CDH3: variants seen among roughly 807,000 people sequenced by gnomAD.
The protein encoded by CDH3 is cadherin-3.
A neutral mutation model predicts 82.0 loss-of-function variants in CDH3; 54 were observed. The ratio of observed to expected loss-of-function variants is 0.66; its 90% CI spans 0.53 to 0.83. The LOEUF (loss-of-function observed/expected upper bound fraction) is 0.83. CDH3 is among the 40% of genes least tolerant of loss of function. CDH3 has a pLI of 0.00. For synonymous variants in CDH3, 446 were observed against 437.9 expected (o/e 1.02, Z -0.23); for missense variants, 1,054 against 1,084.6 (o/e 0.97, Z 0.40).
downstream of CDH3, among the ~76,000 whole-genome samples, chr16:68,732,051 G>T (rs1597834482): frequency 2.8e-5 from 4 of 143,784 alleles, no homozygotes; most frequent in African/African-American, 2.6e-5. Flanking sequence ...AAATAAAACT[G>T]TTTTTTTTTT....
intron 2 of CDH3, among the ~76,000 whole-genome samples, chr16:68,649,379 C>G (rs1269966620): frequency 6.6e-6 from 1 of 152,156 alleles, no homozygotes; most frequent in Middle Eastern, 3.2e-3. Flanking sequence ...TAAAAACTGC[C>G]TTTTATTGTG....
chr16:68,647,341 C>A (rs934254771), intron 2 of CDH3, among the ~76,000 whole-genome samples: 1 of 148,242 alleles, frequency 6.7e-6, no homozygotes, highest in Non-Finnish European at 1.5e-5. Context: ...CCTTATCTTT[C>A]CTACTGAAGC....
chr16:68,682,386 G>C lies in CDH3; in HGVS notation c.1081G>C (p.Ala361Pro), dbSNP rs757205517. Residue 361 changes from alanine (A) to proline (P), a missense_variant, in exon 9 of 16, where the codon GCG becomes CCG. By Grantham distance (27) the Ala-to-Pro change is conservative. Transcript: ENST00000264012. ...TGATCTGGACGCCCCCAACTCACCA[G>C]CGTGGCGTGCCACCTACCTTATCAT... ...VTDLDAPNSPAWRATYLIMGG... is the reference protein window; with the variant it reads ...VTDLDAPNSPPWRATYLIMGG... The C allele has an allele frequency of 1.2e-6, 2 of 1,614,084 alleles. No individual in the cohort carries two copies. The highest frequency in any genetic ancestry group is 2.2e-5 in the South Asian group (2 of 91,086).
Position 68,700,213 on chromosome 16 carries a change from T to C in CDH3, c.*1813T>C, listed in dbSNP as rs1250210727. 2 of 152,242 alleles carry C rather than the reference T, an allele frequency of 1.3e-5. No homozygotes were observed. The highest frequency in any genetic ancestry group is 4.8e-5 in the African/African-American group (2 of 41,474). The allele number at this position is 152,242 out of a possible 1,614,324, so 9.4% of individuals were successfully genotyped here. On this transcript the variant is annotated 3_prime_UTR_variant, in exon 16 of 16. Transcript: ENST00000264012. ...GCCCTTGTTAACGTGAAGTTCAAAG[T>C]CATCTTTGCAATTAGCCAAAAGAAT...
intron 10 of CDH3, 31 bp from the exon 11 acceptor site, chr16:68,685,174 G>A: frequency 6.2e-7 from 1 of 1,612,238 alleles, no homozygotes; most frequent in Non-Finnish European, 8.5e-7. Flanking sequence ...TAAATATTCT[G>A]GATGTACTCG....
intron 1 of CDH3, among the ~76,000 whole-genome samples, chr16:68,712,988 A>G (rs930531127): frequency 2.0e-5 from 3 of 151,820 alleles, no homozygotes; most frequent in African/African-American, 4.8e-5. Context: ...GGTCAATTCC[A>G]AGGTTCTTAA....
chr16:68,684,438 T>C, intron 9 of CDH3, 145 bp from the exon 10 acceptor site: 5 of 916,334 alleles, frequency 5.5e-6, no homozygotes, highest in Non-Finnish European at 9.0e-6. Context: ...CGGGAGTGTT[T>C]ATGTTACAGA....
At chr16:68,712,725 A>G (rs1380809945) in intron 1 of CDH3, among the ~76,000 whole-genome samples, 3 of 151,616 alleles carry the variant, frequency 2.0e-5, no homozygotes, top group African/African-American at 4.9e-5. Context: ...TCTGTCACCC[A>G]GGCTGGAGTG....
downstream of CDH3, among the ~76,000 whole-genome samples, chr16:68,704,888 T>C (rs932391176): frequency 1.3e-5 from 2 of 152,132 alleles, no homozygotes; most frequent in Non-Finnish European, 2.9e-5. Context: ...AGACCCCATC[T>C]CTATTAAAAA....
At chr16:68,708,731 C>T (rs1369078135) in intron 1 of CDH3, among the ~76,000 whole-genome samples, 3 of 152,008 alleles carry the variant, frequency 2.0e-5, no homozygotes, top group African/African-American at 4.8e-5. Context: ...GAAACCTCCA[C>T]CTCCCGGGTT....
At position 68,691,610 on chromosome 16, in the gene CDH3, T is replaced by C. The variant is rs902182694; in HGVS notation, c.1796-110T>C. The C allele has an allele frequency of 3.1e-5, 26 of 841,626 alleles. No homozygotes were observed. In the African/African-American group the frequency reaches 4.0e-4, roughly 13 times the overall value. The allele number at this position is 841,626 out of a possible 1,614,324, so 52.1% of individuals were successfully genotyped here. A position where few individuals can be genotyped will look rare whatever the true frequency, so the allele number is the denominator to read the frequency against. On this transcript the variant is annotated intron_variant, in intron 12 of 15. Transcript: ENST00000264012. The stretch of plus-strand genomic sequence containing the variant: ...TTTCCAAAGTGTGCTTGTGGAGTAT[T>C]TCTCTGCATTGCCCACATGTGGAAG...
intron 2 of CDH3, among the ~76,000 whole-genome samples, chr16:68,652,985 T>C (rs1445026531): frequency 6.6e-6 from 1 of 152,176 alleles, no homozygotes; most frequent in East Asian, 1.9e-4. Flanking sequence ...TAGTGACCTG[T>C]GCACCCCTAT....
intron 1 of CDH3, among the ~76,000 whole-genome samples, chr16:68,719,244 CA>C (rs774321245): frequency 5.9e-5 from 3 of 50,498 alleles, no homozygotes; most frequent in Non-Finnish European, 9.1e-5. Context: ...GACTCCGTCT[CA>C]AAAAAAAAGA....
chr16:68,645,727 A>T lies in CDH3; in HGVS notation c.137A>T (p.Glu46Val). 6.5e-7 allele frequency: 1 copy of T among 1,544,808 alleles called. No individual in the cohort carries two copies. Among genetic ancestry groups the T allele is most frequent in the Non-Finnish European group, 8.7e-7 (1 of 1,146,226 alleles). ...TTGGAGGCGGGAGGCGCGGAGCAGG[A>T]GCCCGGCCAGGCGCTGGGGAAAGGT... is the stretch of plus-strand genomic sequence containing the variant. ...VTLEAGGAEQ[E>V]PGQALGKVFM... Residue 46 changes from glutamate (E) to valine (V), a missense_variant, in exon 2 of 16, where the codon GAG (glutamate) becomes GTG (valine). By Grantham distance (121) the Glu-to-Val change is moderately radical. Coordinates refer to ENST00000264012, the MANE Select transcript of CDH3 (RefSeq NM_001793.6).
chr16:68,691,769 T>C lies in CDH3; in HGVS notation c.1845T>C (p.Tyr615=), dbSNP rs749415054. Residue 615 remains tyrosine, a synonymous_variant, in exon 13 of 16, where the codon TAT becomes TAC. Transcript: ENST00000264012. ...SLKKFLKQDT[Y]DVHLSLSDHG... is the part of the protein sequence containing the mutation. ...AGAAGTTCCTGAAGCAGGATACATA[T>C]GACGTGCACCTTTCTCTGTCTGACC... The C allele has an allele frequency of 1.2e-5, 19 of 1,614,048 alleles. No homozygotes were observed. In the Admixed American group the frequency reaches 2.7e-4, roughly 23 times the overall value.
downstream of CDH3, among the ~76,000 whole-genome samples, chr16:68,704,553 G>T (rs1006708024): frequency 2.6e-5 from 4 of 152,224 alleles, no homozygotes; most frequent in Admixed American, 2.6e-4. Flanking sequence ...CCACCACAGC[G>T]CATAGAACTC....
chr16:68,678,457 G>T (rs1961098410), intron 4 of CDH3, 44 bp from the exon 5 acceptor site: 2 of 1,612,502 alleles, frequency 1.2e-6, no homozygotes, highest in African/African-American at 2.7e-5. Flanking sequence ...CACAGTCATG[G>T]GATATTTGTT....
chr16:68,712,239 G>A (rs1310027684), intron 1 of CDH3, among the ~76,000 whole-genome samples: 1 of 151,672 alleles, frequency 6.6e-6, no homozygotes, highest in Middle Eastern at 3.2e-3. Context: ...GTTTCTCCAT[G>A]TTATCCAGGC....
In CDH3 at chr16:68,699,061, T is replaced by G. The variant is rs1423772951; in HGVS notation, c.*661T>G. 6.6e-6 allele frequency: 1 copy of G among 152,440 alleles called. No individual in the cohort carries two copies. Among genetic ancestry groups the G allele is most frequent in the East Asian group, 1.9e-4 (1 of 5,340 alleles). 9.4% of individuals were successfully genotyped at this position (152,440 alleles called of 1,614,324 possible). ...CAGAGGTGCCTGGGGAGTGAACTGT[T>G]TTCTAAATAGAAGGTTTATTGGCAT... On this transcript the variant is annotated 3_prime_UTR_variant, in exon 16 of 16. Coordinates refer to ENST00000264012, the MANE Select transcript of CDH3 (RefSeq NM_001793.6).
Sources: gnomAD v4.1 joint callset for allele counts (sites outside exome capture counted in the v4.1 genomes callset) on GRCh38, gnomAD v4.1.1 for gene constraint, MANE v1.5 for transcripts, NCBI Gene and HGNC (gene_info 2026-07-23, HGNC 2026-07-21) for gene names.